The following LIPA variants were observed in gnomAD, a reference collection of about 807,000 sequenced individuals.
The protein encoded by LIPA is lipase A, lysosomal acid type.
Under a neutral mutation model 40.6 loss-of-function variants are expected in LIPA, and 26 were observed. The ratio of observed to expected loss-of-function variants is 0.64; its 90% CI spans 0.47 to 0.89. LIPA has a LOEUF of 0.89. Among genes scored for constraint, LIPA ranks in the 40% least tolerant of loss-of-function variants. The probability of loss-of-function intolerance (pLI) is 0.00; values close to 1 mark genes in which losing one functional copy is unlikely to be tolerated. For missense variants in LIPA, 455 were observed against 479.6 expected (o/e 0.95, Z 0.48); for synonymous variants, 188 against 168.4 (o/e 1.12, Z -0.90).
At chr10:89,393,513 G>A (rs1297306467) in intron 2 of LIPA, among the ~76,000 whole-genome samples, 1 of 152,148 alleles carries the variant, frequency 6.6e-6, no homozygotes, top group Non-Finnish European at 1.5e-5. Context: ...TGAGCAGATC[G>A]CCTGAGGTCA....
intron 8 of LIPA, among the ~76,000 whole-genome samples, chr10:89,216,798 G>T (rs1485382168): frequency 6.6e-6 from 1 of 152,100 alleles, no homozygotes; most frequent in East Asian, 1.9e-4. Flanking sequence ...CTTGAGGGAT[G>T]ACTGTATATT....
intron 1 of LIPA, among the ~76,000 whole-genome samples, chr10:89,301,556 TACTC>T (rs1221477511): frequency 1.3e-5 from 2 of 152,212 alleles, no homozygotes; most frequent in African/African-American, 4.8e-5. Context: ...GCTTGGCTCT[TACTC>T]AAGAGCATTT....
Position 89,214,472 on chromosome 10 carries a change from T to C in LIPA, c.*356A>G. ...TACCAATGACAACACAATTTTAAAA[T>C]TCCAACACATATATTACTTTGTCCT... is the stretch of plus-strand genomic sequence containing the variant. On this transcript the variant is annotated 3_prime_UTR_variant, in exon 10 of 10. Coordinates refer to ENST00000336233, the MANE Select transcript of LIPA (RefSeq NM_000235.4). The C allele has an allele frequency of 5.0e-6, 1 of 201,168 alleles. No homozygotes were observed. The highest frequency in any genetic ancestry group is 5.4e-5 in the Admixed American group (1 of 18,590). 12.5% of individuals were successfully genotyped at this position (201,168 alleles called of 1,614,324 possible). A position where few individuals can be genotyped will look rare whatever the true frequency, so the allele number is the denominator to read the frequency against.
chr10:89,344,132 CA>C (rs1193658146), upstream of LIPA, among the ~76,000 whole-genome samples: 4 of 152,094 alleles, frequency 2.6e-5, no homozygotes, highest in African/African-American at 9.7e-5. Flanking sequence ...TCCTTACAAG[CA>C]TTATGGTAGA....
Position 89,225,207 on chromosome 10 carries a change from A to G in LIPA, c.560T>C (p.Ile187Thr). 1 of 1,614,172 alleles carries G rather than the reference A, an allele frequency of 6.2e-7. No homozygotes were observed. Among genetic ancestry groups the G allele is most frequent in the Non-Finnish European group, 8.5e-7 (1 of 1,180,016 alleles). The change falls in exon 6 of 10, where the codon ATC becomes ACC. Residue 187 changes from isoleucine (I) to threonine (T), a missense_variant. Transcript: ENST00000336233. ...TTTAATCCTTTTAGCCAGCTCAGGG[A>G]TCTGTGAAAATGCTATAAAACCTGT... ...TTIGFIAFSQ[I>T]PELAKRIKMF... is the part of the protein sequence containing the mutation.
At chr10:89,349,645 G>C (rs140761192) in intron 2 of LIPA, among the ~76,000 whole-genome samples, 2 of 152,292 alleles carry the variant, frequency 1.3e-5, no homozygotes, top group African/African-American at 4.8e-5. Context: ...ACAGCAATGA[G>C]ATAGTCTCAA....
At chr10:89,398,146 T>C (rs1464495165) in intron 2 of LIPA, among the ~76,000 whole-genome samples, 1 of 152,190 alleles carries the variant, frequency 6.6e-6, no homozygotes, top group Non-Finnish European at 1.5e-5. Flanking sequence ...GCAAGCCTTC[T>C]GAAAGGTCAG....
chr10:89,303,001 C>A (rs183979986), intron 1 of LIPA, among the ~76,000 whole-genome samples: 94 of 137,010 alleles, frequency 6.9e-4, no homozygotes, highest in African/African-American at 2.7e-3. Flanking sequence ...AAATGTTCTG[C>A]CTGATTTCAA....
chr10:89,246,206 A>G (rs949221198), intron 2 of LIPA, among the ~76,000 whole-genome samples: 4 of 152,220 alleles, frequency 2.6e-5, no homozygotes, highest in African/African-American at 4.8e-5. Flanking sequence ...CCAATAAAGT[A>G]TAAAAAATAT....
rs12570275 is a variant in LIPA at position 89,273,627 on chromosome 10, A to G, written c.-1-25978T>C. Among the ~76,000 whole-genome samples, 4 of 152,336 alleles carry G rather than the reference A, an allele frequency of 2.6e-5. No homozygotes were observed. In the East Asian group the frequency reaches 5.8e-4, roughly 22 times the overall value. Reference sequence around the variant, plus strand: ...TGAGGAGCCTGCTAGGGAAAGAAGAATCACAACTGACAGGACAGTACTCAT... The same window carrying G: ...TGAGGAGCCTGCTAGGGAAAGAAGAGTCACAACTGACAGGACAGTACTCAT... On this transcript the variant is annotated intron_variant, in intron 1 of 5. Coordinates refer to the LIPA transcript ENST00000282673.
chr10:89,390,295 C>CT (rs1844237014), intron 2 of LIPA, among the ~76,000 whole-genome samples: 1 of 152,128 alleles, frequency 6.6e-6, no homozygotes, highest in South Asian at 2.1e-4. Flanking sequence ...CTGAAGATTT[C>CT]TTTTTAATAC....
At chr10:89,320,247 G>T (rs1049312012) in intron 1 of LIPA, among the ~76,000 whole-genome samples, 6 of 152,144 alleles carry the variant, frequency 3.9e-5, no homozygotes, top group African/African-American at 1.2e-4. Context: ...GAAATAAAGG[G>T]TATTCAATTA....
chr10:89,375,115 A>G (rs1341437642), intron 2 of LIPA, among the ~76,000 whole-genome samples: 2 of 152,230 alleles, frequency 1.3e-5, no homozygotes, highest in Non-Finnish European at 2.9e-5. Flanking sequence ...ACAATTACTG[A>G]ATGCTGTTAA....
chr10:89,351,318 A>G (rs993904070), intron 2 of LIPA, among the ~76,000 whole-genome samples: 2 of 152,242 alleles, frequency 1.3e-5, no homozygotes, highest in East Asian at 3.8e-4. Flanking sequence ...CCCTGTCTCA[A>G]TAAAAATCTT....
At chr10:89,385,683 A>G (rs577963345) in intron 2 of LIPA, among the ~76,000 whole-genome samples, 1 of 152,196 alleles carries the variant, frequency 6.6e-6, no homozygotes, top group Non-Finnish European at 1.5e-5. Context: ...CCAAGGCCCT[A>G]CTGTAGCTGG....
Position 89,308,301 on chromosome 10 carries a change from T to C in LIPA, c.-2+34310A>G, listed in dbSNP as rs376659990. The C allele has an allele frequency of 5.9e-5, 9 of 152,310 alleles. No homozygotes were observed. In the South Asian group the frequency reaches 1.9e-3, roughly 32 times the overall value. The allele number at this position is 152,310 out of a possible 1,614,324, so 9.4% of individuals were successfully genotyped here. A position where few individuals can be genotyped will look rare whatever the true frequency, so the allele number is the denominator to read the frequency against. ...AATCGAATGGAGAAATTTGCAGTAT[T>C]TTAGCCACTATTAGGAATTTTTTTT... On this transcript the variant is annotated intron_variant, in intron 1 of 5. Coordinates refer to the LIPA transcript ENST00000282673.
chr10:89,249,468 A>G (rs1349029853), intron 1 of LIPA, among the ~76,000 whole-genome samples: 1 of 152,262 alleles, frequency 6.6e-6, no homozygotes. Flanking sequence ...TGTTTATAAC[A>G]GCTTTGGGTG....
At chr10:89,276,063 A>G (rs1843287700) in intron 1 of LIPA, among the ~76,000 whole-genome samples, 2 of 152,214 alleles carry the variant, frequency 1.3e-5, no homozygotes, top group African/African-American at 2.4e-5. Flanking sequence ...TAAAAGGTAG[A>G]GTTGTAAAAG....
intron 1 of LIPA, among the ~76,000 whole-genome samples, chr10:89,260,399 C>T (rs915374810): frequency 1.3e-5 from 2 of 152,180 alleles, no homozygotes; most frequent in Admixed American, 6.5e-5. Flanking sequence ...GTGGAGGAAG[C>T]GAGAAGCTGG....
Sources: allele counts gnomAD v4.1 joint callset (sites outside exome capture counted in the v4.1 genomes callset), GRCh38; gene constraint gnomAD v4.1.1; transcripts MANE v1.5; gene names NCBI Gene and HGNC (gene_info 2026-07-23, HGNC 2026-07-21).